CACNG8: variants seen among roughly 807,000 people sequenced by gnomAD.
CACNG8 encodes calcium voltage-gated channel auxiliary subunit gamma 8.
CACNG8 carries 5 observed loss-of-function variants against 26.9 expected under a neutral mutation model. The observed-to-expected ratio is 0.19, with a 90% CI of 0.10 to 0.39. The LOEUF is 0.39. Ranked by LOEUF, CACNG8 falls within the 10% of genes least tolerant of loss-of-function variation. The pLI is 1.00. For synonymous variants in CACNG8, 321 were observed against 296.7 expected, an observed-to-expected ratio of 1.08 and a Z score of -0.84; for missense variants, 473 against 609.4, an observed-to-expected ratio of 0.78 and a Z score of 2.36.
rs1472747950 is a variant in CACNG8, at chr19:53,963,104, C to G, written c.-39C>G. 4 of 1,403,244 alleles carry G rather than the reference C, an allele frequency of 2.9e-6. 1 individual carries two copies. The highest frequency in any genetic ancestry group is 3.0e-5 in the African/African-American group (2 of 66,322). The allele number at this position is 1,403,244 out of a possible 1,614,324, so 86.9% of individuals were successfully genotyped here. A position where few individuals can be genotyped will look rare whatever the true frequency, so the allele number is the denominator to read the frequency against. On this transcript the variant is annotated 5_prime_UTR_variant, in exon 1 of 4. Transcript: ENST00000270458. ...CGGCACGGCCCCGCCCCCGCTGCCC[C>G]GGTGGTGGCCCACGGCCCCCCGGCT...
At position 53,980,913 on chromosome 19, in the gene CACNG8, T is replaced by G. The variant is rs184251495; in HGVS notation, c.508+906T>G. Among the ~76,000 whole-genome samples the G allele has an allele frequency of 9.2e-5, 14 of 151,674 alleles. No individual in the cohort carries two copies. The East Asian group carries it at 2.5e-3, about 27-fold the overall frequency. On this transcript the variant is annotated intron_variant, in intron 3 of 3. Coordinates refer to ENST00000270458, the MANE Select transcript of CACNG8 (RefSeq NM_031895.6). ...GGCTTTGCATATTTGAAGAGCAGGG[T>G]GTGCTTTGGGGATGGGTCTAGATCT...
Position 53,987,270 on chromosome 19 carries a change from G to C in CACNG8, c.*4421G>C, listed in dbSNP as rs187272288. On this transcript the variant is annotated 3_prime_UTR_variant, in exon 4 of 4. Coordinates refer to ENST00000270458, the MANE Select transcript of CACNG8 (RefSeq NM_031895.6). ...TTTTTAGTAAAGACGGGATTTCACC[G>C]TGTTGGCCAGGCCAATCTGAAATTC... The C allele has an allele frequency of 6.6e-6, 1 of 152,096 alleles. No individual in the cohort carries two copies. Among genetic ancestry groups the C allele is most frequent in the Non-Finnish European group, 1.5e-5 (1 of 68,024 alleles). 9.4% of individuals were successfully genotyped at this position (152,096 alleles called of 1,614,324 possible).
At chr19:53,975,440 C>T (rs1250005808) in intron 1 of CACNG8, among the ~76,000 whole-genome samples, 6 of 152,010 alleles carry the variant, frequency 3.9e-5, no homozygotes, top group African/African-American at 1.2e-4. Context: ...AGTGCAGTGG[C>T]GCGATCTCAG....
intron 1 of CACNG8, among the ~76,000 whole-genome samples, chr19:53,972,259 G>C (rs1268892939): frequency 6.6e-6 from 1 of 151,412 alleles, no homozygotes; most frequent in Non-Finnish European, 1.5e-5. Context: ...CCCTCACAAA[G>C]TGCTGGGATT....
chr19:53,982,825 C>T lies in CACNG8; in HGVS notation c.1254C>T (p.Leu418=). The change falls in exon 4 of 4, where the codon CTC becomes CTT. Residue 418 remains leucine, a synonymous_variant. Transcript: ENST00000270458. This position sits in a 1 kb window ranked among gnomAD's most constrained non-coding sequence, Gnocchi z 8.4. Reference sequence around the variant, plus strand: ...CCGCCGCCTCCAACACCAACACGCTCAACAGGAAAACCACGCCTGTGTAGG... The same window carrying T: ...CCGCCGCCTCCAACACCAACACGCTTAACAGGAAAACCACGCCTGTGTAGG... The T allele has an allele frequency of 1.5e-6, 2 of 1,375,704 alleles. No individual in the cohort carries two copies. Among genetic ancestry groups the T allele is most frequent in the South Asian group, 1.5e-5 (1 of 68,904 alleles). 85.2% of individuals were successfully genotyped at this position (1,375,704 alleles called of 1,614,324 possible). A position where few individuals can be genotyped will look rare whatever the true frequency, so the allele number is the denominator to read the frequency against.
intron 1 of CACNG8, among the ~76,000 whole-genome samples, chr19:53,969,544 G>C (rs1335657752): frequency 1.3e-5 from 2 of 151,806 alleles, no homozygotes; most frequent in African/African-American, 4.8e-5. Context: ...ACAGGAGTGA[G>C]CCACCCTGCC....
In CACNG8 at chr19:53,989,077, G is replaced by A. The variant is rs1046874433; in HGVS notation, c.*6228G>A. ...GAGGCTTGGCGTTTGAGACCAGCCTGGGCAATATAGTAAGACCCCGTCTCT... is the reference window on the plus strand; with the variant it reads ...GAGGCTTGGCGTTTGAGACCAGCCTAGGCAATATAGTAAGACCCCGTCTCT... On this transcript the variant is annotated 3_prime_UTR_variant, in exon 4 of 4. Transcript: ENST00000270458. 3 of 152,274 alleles carry A rather than the reference G, an allele frequency of 2.0e-5. No homozygotes were observed. Among genetic ancestry groups the A allele is most frequent in the Non-Finnish European group, 4.4e-5 (3 of 68,118 alleles). The allele number at this position is 152,274 out of a possible 1,614,324, so 9.4% of individuals were successfully genotyped here. A position where few individuals can be genotyped will look rare whatever the true frequency, so the allele number is the denominator to read the frequency against.
intron 3 of CACNG8, 127 bp from the exon 4 acceptor site, chr19:53,981,953 G>A: frequency 9.8e-7 from 1 of 1,018,866 alleles, no homozygotes; most frequent in Non-Finnish European, 1.3e-6. Flanking sequence ...AGACCACTCG[G>A]GGTGGGGCCT....
chr19:53,979,863 G>A lies in CACNG8; in HGVS notation c.368-4G>A. The A allele has an allele frequency of 6.3e-7, 1 of 1,595,528 alleles. No individual in the cohort carries two copies. Among genetic ancestry groups the A allele is most frequent in the East Asian group, 2.3e-5 (1 of 43,514 alleles). ...CTCCTTTTCCTTTCCTTCCTCCCCC[G>A]CAGGAGTTGTCCGGGCCTCCAGCAT... On this transcript the variant is annotated splice_region_variant and splice_polypyrimidine_tract_variant and intron_variant, in intron 2 of 3. Transcript: ENST00000270458.
In CACNG8 at chr19:53,988,085, A is replaced by T. The variant is rs974377883; in HGVS notation, c.*5236A>T. ...GGAGAGGAGACAGCCAGCTGTGCCA[A>T]GGGCTGCTGAGACTTGGACAAGGAT... On this transcript the variant is annotated 3_prime_UTR_variant, in exon 4 of 4. Transcript: ENST00000270458. 6.6e-6 allele frequency: 1 copy of T among 152,482 alleles called. No homozygotes were observed. Among genetic ancestry groups the T allele is most frequent in the Non-Finnish European group, 1.5e-5 (1 of 68,132 alleles). 9.4% of individuals were successfully genotyped at this position (152,482 alleles called of 1,614,324 possible). A position where few individuals can be genotyped will look rare whatever the true frequency, so the allele number is the denominator to read the frequency against.
At position 53,982,019 on chromosome 19, in the gene CACNG8, CCGGGGG is replaced by C. The variant is rs926561131; in HGVS notation, c.509-49_509-44del. 1.0e-4 allele frequency: 128 copies of C among 1,240,638 alleles called. No homozygotes were observed. Among genetic ancestry groups the C allele is most frequent in the African/African-American group, 6.2e-4 (22 of 35,576 alleles). 76.9% of individuals were successfully genotyped at this position (1,240,638 alleles called of 1,614,324 possible). ...TGGCGCAGGCGGGCAGGGGTCGGGG[CCGGGGG>C]CGGGGGCGGGGCCGGGGGTGGCCTC... is the stretch of plus-strand genomic sequence containing the variant. On this transcript the variant is annotated intron_variant, in intron 3 of 3. Transcript: ENST00000270458. The surrounding 1 kb of genome is among the most constrained non-coding windows in gnomAD (Gnocchi z 8.4).
intron 2 of CACNG8, 92 bp from the exon 3 acceptor site, chr19:53,979,775 C>T: frequency 7.3e-7 from 1 of 1,362,048 alleles, no homozygotes; most frequent in South Asian, 1.5e-5. Context: ...TGTCGGGAGG[C>T]GCCGCGAGAT....
At chr19:53,980,312 G>A (rs1312213627) in intron 3 of CACNG8, among the ~76,000 whole-genome samples, 1 of 152,120 alleles carries the variant, frequency 6.6e-6, no homozygotes, top group East Asian at 1.9e-4. Flanking sequence ...CCGCCGTCCT[G>A]GAGACGGAAG....
Position 53,989,410 on chromosome 19 carries a change from T to G in CACNG8, c.*6561T>G, listed in dbSNP as rs1386589523. Reference sequence around the variant, plus strand: ...GATAACAAAAACACAACCACAGAGATAGGGAGACGTAAGCCGGAGAAAGAC... The same window carrying G: ...GATAACAAAAACACAACCACAGAGAGAGGGAGACGTAAGCCGGAGAAAGAC... On this transcript the variant is annotated 3_prime_UTR_variant, in exon 4 of 4. Coordinates refer to ENST00000270458, the MANE Select transcript of CACNG8 (RefSeq NM_031895.6). The G allele has an allele frequency of 2.0e-5, 3 of 148,036 alleles. No individual in the cohort carries two copies. Among genetic ancestry groups the G allele is most frequent in the African/African-American group, 5.0e-5 (2 of 39,916 alleles). The allele number at this position is 148,036 out of a possible 1,614,324, so 9.2% of individuals were successfully genotyped here.
At chr19:53,971,291 C>A (rs1336640926) in intron 1 of CACNG8, among the ~76,000 whole-genome samples, 312 of 130,608 alleles carry the variant, frequency 2.4e-3, no homozygotes, top group Middle Eastern at 3.9e-3. Context: ...GGCCCTGTCT[C>A]AAAAAAAAAA....
At position 53,978,068 on chromosome 19, in the gene CACNG8, G is replaced by A. The variant is rs147855920; in HGVS notation, c.284-78G>A. The A allele has an allele frequency of 1.7e-4, 165 of 953,012 alleles. No homozygotes were observed. The East Asian group carries it at 4.0e-3, about 23-fold the overall frequency. The allele number at this position is 953,012 out of a possible 1,614,324, so 59.0% of individuals were successfully genotyped here. A position where few individuals can be genotyped will look rare whatever the true frequency, so the allele number is the denominator to read the frequency against. ...GAGAGAAGGGGTTTGGGGAAGGGAA[G>A]GGTCGGTTGTCAGTGGGGTTGCCCC... On this transcript the variant is annotated intron_variant, in intron 1 of 3. Transcript: ENST00000270458.
At position 53,982,052 on chromosome 19, in the gene CACNG8, A is replaced by T; in HGVS notation, c.509-28A>T. 1 of 1,521,072 alleles carries T rather than the reference A, an allele frequency of 6.6e-7. No individual in the cohort carries two copies. The highest frequency in any genetic ancestry group is 8.8e-7 in the Non-Finnish European group (1 of 1,137,044). 94.2% of individuals were successfully genotyped at this position (1,521,072 alleles called of 1,614,324 possible). A position where few individuals can be genotyped will look rare whatever the true frequency, so the allele number is the denominator to read the frequency against. ...GGGGGCGGGGCCGGGGGTGGCCTCGAGGCTCCCGTCTGACCGTCCCCGCCC... is the reference window on the plus strand; with the variant it reads ...GGGGGCGGGGCCGGGGGTGGCCTCGTGGCTCCCGTCTGACCGTCCCCGCCC... On this transcript the variant is annotated intron_variant, in intron 3 of 3. Transcript: ENST00000270458. The surrounding 1 kb of genome is among the most constrained non-coding windows in gnomAD (Gnocchi z 8.4).
chr19:53,982,926 G>A lies in CACNG8; in HGVS notation c.*77G>A, dbSNP rs2069383262. ...CGTGCATCGAGGCTGCCGGGGTCGG[G>A]GGCGCCCCCGCTTTCCCCCGTGAGC... On this transcript the variant is annotated 3_prime_UTR_variant, in exon 4 of 4. Transcript: ENST00000270458. This position sits in a 1 kb window ranked among gnomAD's most constrained non-coding sequence, Gnocchi z 8.4. 9.7e-7 allele frequency: 1 copy of A among 1,027,448 alleles called. No homozygotes were observed. The highest frequency in any genetic ancestry group is 1.7e-5 in the African/African-American group (1 of 58,458). The allele number at this position is 1,027,448 out of a possible 1,614,324, so 63.6% of individuals were successfully genotyped here. A position where few individuals can be genotyped will look rare whatever the true frequency, so the allele number is the denominator to read the frequency against.
At chr19:53,968,338 A>G (rs376458946) in intron 1 of CACNG8, among the ~76,000 whole-genome samples, 4 of 151,590 alleles carry the variant, frequency 2.6e-5, no homozygotes, top group Non-Finnish European at 5.9e-5. Flanking sequence ...TCATACCACT[A>G]CACTCCAGTC....
Sources: gnomAD v4.1 joint callset for allele counts (sites outside exome capture counted in the v4.1 genomes callset) on GRCh38, gnomAD v4.1.1 for gene constraint, Gnocchi (gnomAD v3.1) non-coding constraint, MANE v1.5 for transcripts, NCBI Gene and HGNC (gene_info 2026-07-23, HGNC 2026-07-21) for gene names.